SLC4A10: variants seen among roughly 807,000 people sequenced by gnomAD.
SLC4A10 encodes solute carrier family 4 member 10.
Under a neutral mutation model 137.7 loss-of-function variants are expected in SLC4A10, and 42 were observed. The observed-to-expected ratio is 0.30, with a 90% CI of 0.24 to 0.39. The LOEUF is 0.39. Among genes scored for constraint, SLC4A10 ranks in the 10% least tolerant of loss-of-function variants. The pLI is 1.00. For synonymous variants in SLC4A10, 474 were observed against 464.1 expected (o/e 1.02, Z -0.27); for missense variants, 925 against 1,355.0 (o/e 0.68, Z 4.98).
At chr2:161,672,332 C>A (rs1420033228) in intron 1 of SLC4A10, among the ~76,000 whole-genome samples, 1 of 151,902 alleles carries the variant, frequency 6.6e-6, no homozygotes, top group Admixed American at 6.6e-5. Context: ...GAGTGACTTT[C>A]AAAATTTAAT....
intron 2 of SLC4A10, among the ~76,000 whole-genome samples, chr2:161,789,981 A>G (rs2054035471): frequency 2.0e-5 from 3 of 152,340 alleles, no homozygotes; most frequent in South Asian, 2.1e-4. Context: ...GCACATTATT[A>G]TCTCCATTTC....
intron 1 of SLC4A10, among the ~76,000 whole-genome samples, chr2:161,711,457 A>G (rs1409613090): frequency 6.6e-6 from 1 of 151,846 alleles, no homozygotes; most frequent in Non-Finnish European, 1.5e-5. Flanking sequence ...TCAGGTTCTG[A>G]GAAAGCGGAT....
chr2:161,941,269 A>C (rs189174581), intron 15 of SLC4A10, among the ~76,000 whole-genome samples: 2 of 152,154 alleles, frequency 1.3e-5, no homozygotes, highest in Admixed American at 1.3e-4. Flanking sequence ...AAATCTACTG[A>C]GGAGAGCTTT....
chr2:161,914,776 C>A (rs148337433), intron 15 of SLC4A10, among the ~76,000 whole-genome samples: 12 of 152,204 alleles, frequency 7.9e-5, no homozygotes, highest in Non-Finnish European at 1.6e-4. Flanking sequence ...TCTGTTGAGG[C>A]TCTAACCCTC....
intron 1 of SLC4A10, among the ~76,000 whole-genome samples, chr2:161,642,699 C>A (rs1475060793): frequency 1.3e-5 from 2 of 151,848 alleles, no homozygotes; most frequent in Non-Finnish European, 2.9e-5. Context: ...AGTAGGAATT[C>A]AACTCATTTA....
At chr2:161,840,195 A>C (rs1450739143) in intron 4 of SLC4A10, among the ~76,000 whole-genome samples, 3 of 152,224 alleles carry the variant, frequency 2.0e-5, no homozygotes, top group Non-Finnish European at 4.4e-5. Flanking sequence ...AACAAAACAA[A>C]AGAAATCTAA....
intron 12 of SLC4A10, among the ~76,000 whole-genome samples, chr2:161,902,614 C>G (rs1329554430): frequency 6.6e-6 from 1 of 152,128 alleles, no homozygotes; most frequent in Non-Finnish European, 1.5e-5. Flanking sequence ...TCATTCTTCT[C>G]AACCCTCTCC....
intron 1 of SLC4A10, among the ~76,000 whole-genome samples, chr2:161,753,628 AGTAGTG>A (rs1403966585): frequency 2.0e-5 from 3 of 152,136 alleles, no homozygotes; most frequent in Non-Finnish European, 4.4e-5. Context: ...TATTAGTAGT[AGTAGTG>A]GTAGTAGTAG....
chr2:161,643,119 A>G (rs938827602), intron 1 of SLC4A10, among the ~76,000 whole-genome samples: 2 of 152,054 alleles, frequency 1.3e-5, no homozygotes, highest in Non-Finnish European at 2.9e-5. Flanking sequence ...ATGTAATTCA[A>G]TATAGATAAC....
chr2:161,652,279 G>A (rs890041829), intron 1 of SLC4A10, among the ~76,000 whole-genome samples: 2 of 152,104 alleles, frequency 1.3e-5, no homozygotes, highest in African/African-American at 2.4e-5. Context: ...ATTTATATCA[G>A]TATGGATCAT....
At chr2:161,656,297 C>G (rs552299950) in intron 1 of SLC4A10, among the ~76,000 whole-genome samples, 1 of 152,242 alleles carries the variant, frequency 6.6e-6, no homozygotes, top group South Asian at 2.1e-4. Context: ...CTGATAAAAA[C>G]TCTCAGGATT....
At chr2:161,671,496 T>C (rs549188282) in intron 1 of SLC4A10, among the ~76,000 whole-genome samples, 8 of 152,148 alleles carry the variant, frequency 5.3e-5, no homozygotes, top group Non-Finnish European at 1.0e-4. Context: ...AAATATAATG[T>C]AAATTCAAAA....
At chr2:161,707,750 T>C (rs1350317879) in intron 1 of SLC4A10, among the ~76,000 whole-genome samples, 2 of 151,494 alleles carry the variant, frequency 1.3e-5, no homozygotes. Flanking sequence ...TACCACATTA[T>C]CTTTTGCATG....
chr2:161,794,393 G>T (rs988129458), intron 2 of SLC4A10, among the ~76,000 whole-genome samples: 8 of 151,944 alleles, frequency 5.3e-5, no homozygotes, highest in African/African-American at 1.9e-4. Context: ...TTCTTACCAC[G>T]CACATACAAA....
chr2:161,963,727 C>A (rs1401368621), intron 21 of SLC4A10, among the ~76,000 whole-genome samples: 1 of 151,974 alleles, frequency 6.6e-6, no homozygotes, highest in Non-Finnish European at 1.5e-5. Context: ...TGAACTATTC[C>A]AGGAGAAAAG....
At chr2:161,949,818 C>T (rs548636344) in intron 18 of SLC4A10, among the ~76,000 whole-genome samples, 7 of 151,806 alleles carry the variant, frequency 4.6e-5, no homozygotes, top group Non-Finnish European at 1.0e-4. Context: ...ATACCTTATA[C>T]ATATAACCTG....
chr2:161,833,679 T>G (rs1191057598), intron 3 of SLC4A10, among the ~76,000 whole-genome samples: 1 of 152,202 alleles, frequency 6.6e-6, no homozygotes, highest in Admixed American at 6.5e-5. Context: ...TTGAAACTAA[T>G]CTATGTTATG....
intron 15 of SLC4A10, among the ~76,000 whole-genome samples, chr2:161,935,623 G>C (rs1691447185): frequency 6.6e-6 from 1 of 152,084 alleles, no homozygotes; most frequent in Non-Finnish European, 1.5e-5. Flanking sequence ...CTAAGTATTT[G>C]AAATTTATTT....
At chr2:161,867,376 A>C (rs533094194) in intron 6 of SLC4A10, among the ~76,000 whole-genome samples, 9 of 151,920 alleles carry the variant, frequency 5.9e-5, no homozygotes, top group Non-Finnish European at 1.3e-4. Flanking sequence ...ATAATGTTCT[A>C]CCTTTGAAGA....
Sources: gnomAD v4.1 joint callset for allele counts (sites outside exome capture counted in the v4.1 genomes callset) on GRCh38, gnomAD v4.1.1 for gene constraint, MANE v1.5 for transcripts, NCBI Gene and HGNC (gene_info 2026-07-23, HGNC 2026-07-21) for gene names.